Variants in GLI3 observed in about 807,000 individuals in gnomAD.
The protein encoded by GLI3 is transcription activator GLI3.
In GLI3, 20 loss-of-function variants were observed where a neutral mutation model predicts 100.8. The observed-to-expected ratio is 0.20, with a 90% CI of 0.14 to 0.29. GLI3 has a LOEUF of 0.29. GLI3 is among the 10% of genes least tolerant of loss of function. The probability of loss-of-function intolerance (pLI) is 1.00; values close to 1 mark genes in which losing one functional copy is unlikely to be tolerated. For missense variants in GLI3, 2,040 were observed against 2,128.5 expected (o/e 0.96, Z 0.82); for synonymous variants, 938 against 860.5 (o/e 1.09, Z -1.58).
rs531417059 is a variant in GLI3 at position 42,158,672 on chromosome 7, G to A, written c.125-10204C>T. The stretch of plus-strand genomic sequence containing the variant: ...CACCCAGCTAATTTTTGTATTTTTA[G>A]TAGAGACAGGATTTCACAATGTTGG... On this transcript the variant is annotated intron_variant, in intron 2 of 14. Transcript: ENST00000395925. 4.6e-5 allele frequency among the ~76,000 whole-genome samples: 7 copies of A among 152,102 alleles called. No individual in the cohort carries two copies. In the East Asian group the frequency reaches 1.2e-3, roughly 25 times the overall value.
chr7:42,107,564 G>A (rs1785605229), intron 3 of GLI3, among the ~76,000 whole-genome samples: 2 of 152,220 alleles, frequency 1.3e-5, no homozygotes, highest in South Asian at 4.1e-4. Context: ...ACTGAGGGCA[G>A]GCGATGCAGA....
At chr7:42,051,742 T>A (rs181003879) in intron 4 of GLI3, among the ~76,000 whole-genome samples, 1 of 152,294 alleles carries the variant, frequency 6.6e-6, no homozygotes, top group African/African-American at 2.4e-5. Flanking sequence ...AGATTTCCCA[T>A]ATAACCCCCA....
chr7:42,001,983 C>A (rs1218475022), intron 10 of GLI3, among the ~76,000 whole-genome samples: 1 of 151,880 alleles, frequency 6.6e-6, no homozygotes, highest in Admixed American at 6.6e-5. Context: ...AATGTATAAG[C>A]AAAAACACTA....
intron 2 of GLI3, among the ~76,000 whole-genome samples, chr7:42,160,395 G>C (rs1787103963): frequency 6.6e-6 from 1 of 152,084 alleles, no homozygotes; most frequent in Non-Finnish European, 1.5e-5. Context: ...GATATCTTGG[G>C]GATAGGACCC....
chr7:42,228,348 C>T (rs1363809480), intron 1 of GLI3, among the ~76,000 whole-genome samples: 1 of 151,924 alleles, frequency 6.6e-6, no homozygotes, highest in Admixed American at 6.6e-5. Context: ...AATGCATCTC[C>T]GCCAGCCAGG....
chr7:42,041,821 A>T (rs1784145705), intron 6 of GLI3, among the ~76,000 whole-genome samples: 1 of 152,176 alleles, frequency 6.6e-6, no homozygotes, highest in African/African-American at 2.4e-5. Flanking sequence ...ATGAAAAAAA[A>T]TCCACAAACT....
At chr7:42,257,997 T>C (rs1269646204) in intron 1 of GLI3, among the ~76,000 whole-genome samples, 2 of 152,220 alleles carry the variant, frequency 1.3e-5, no homozygotes, top group East Asian at 3.9e-4. Flanking sequence ...AATATTGAAC[T>C]ATATAGTTTT....
intron 3 of GLI3, among the ~76,000 whole-genome samples, chr7:42,114,387 G>A (rs1249825010): frequency 6.6e-6 from 1 of 151,964 alleles, no homozygotes; most frequent in Non-Finnish European, 1.5e-5. Context: ...CCTGAAATAC[G>A]ATGATTGCTT....
At chr7:42,120,655 A>C (rs1785974810) in intron 3 of GLI3, among the ~76,000 whole-genome samples, 1 of 152,198 alleles carries the variant, frequency 6.6e-6, no homozygotes, top group Non-Finnish European at 1.5e-5. Flanking sequence ...TAAGGGGGCA[A>C]AACAGTATTT....
intron 1 of GLI3, among the ~76,000 whole-genome samples, chr7:42,257,354 CTTTTTT>C (rs61449410): frequency 7.7e-6 from 1 of 130,590 alleles, no homozygotes. Context: ...ATCATTCAGT[CTTTTTT>C]TTTTTTTTTT....
intron 1 of GLI3, among the ~76,000 whole-genome samples, chr7:42,257,850 A>G (rs1789100937): frequency 1.3e-5 from 2 of 152,200 alleles, no homozygotes; most frequent in South Asian, 4.1e-4. Flanking sequence ...GGTATATTAT[A>G]TCCATTGCTT....
rs1326739733 is a variant in GLI3 at position 41,965,896 on chromosome 7, G to A, written c.3177C>T (p.Asn1059=). 4 of 1,613,634 alleles carry A rather than the reference G, an allele frequency of 2.5e-6. No homozygotes were observed. The East Asian group carries it at 8.9e-5, about 36-fold the overall frequency. The change falls in exon 15 of 15, where the codon AAC becomes AAT. Residue 1059 remains asparagine (N), a synonymous_variant. Coordinates refer to ENST00000395925, the MANE Select transcript of GLI3 (RefSeq NM_000168.6). ...YTRPEGGQSR[N]FHSSPCPPSI... Reference sequence around the variant, plus strand: ...TGGGAGGACAGGGGGACGAGTGGAAGTTTCGGGACTGGCCGCCCTCGGGCC... The same window carrying A: ...TGGGAGGACAGGGGGACGAGTGGAAATTTCGGGACTGGCCGCCCTCGGGCC...
intron 3 of GLI3, among the ~76,000 whole-genome samples, chr7:42,103,947 G>A (rs537426378): frequency 6.6e-6 from 1 of 152,306 alleles, no homozygotes; most frequent in East Asian, 1.9e-4. Context: ...TAATGATGGT[G>A]CTGATGATGA....
chr7:42,260,162 C>T (rs12333809), intron 1 of GLI3, among the ~76,000 whole-genome samples: 18,134 of 152,070 alleles, frequency 0.12, 2,486 homozygotes, highest in African/African-American at 0.34. Flanking sequence ...TAGAGCATCT[C>T]TAGAGCATAT....
intron 3 of GLI3, among the ~76,000 whole-genome samples, chr7:42,144,645 T>C (rs1477422377): frequency 2.0e-5 from 3 of 151,808 alleles, no homozygotes; most frequent in Admixed American, 6.6e-5. Flanking sequence ...TCTTGTGCAA[T>C]AAAAATTTTA....
At chr7:42,139,679 CA>C (rs1281981906) in intron 3 of GLI3, among the ~76,000 whole-genome samples, 2 of 152,046 alleles carry the variant, frequency 1.3e-5, no homozygotes, top group South Asian at 4.2e-4. Flanking sequence ...AACTCCATCT[CA>C]AAAAAATATA....
At chr7:41,977,268 C>T (rs746667061) in intron 12 of GLI3, among the ~76,000 whole-genome samples, 17 of 152,188 alleles carry the variant, frequency 1.1e-4, no homozygotes, top group Non-Finnish European at 2.2e-4. Flanking sequence ...GATTCCAAGT[C>T]AAATGCTCCC....
At chr7:42,097,877 C>G (rs1346098244) in intron 3 of GLI3, among the ~76,000 whole-genome samples, 1 of 152,026 alleles carries the variant, frequency 6.6e-6, no homozygotes, top group Admixed American at 6.6e-5. Flanking sequence ...ACCAGACATA[C>G]CAGGGAGGGA....
Position 41,965,039 on chromosome 7 carries a change from A to G in GLI3, c.4034T>C (p.Leu1345Pro), listed in dbSNP as rs776365660. The part of the protein sequence containing the change: ...PGAGRPGQQM[L>P]GQISATSHIN... ...GTGTGAGGTAGCACTAATCTGCCCAAGCATCTGCTGACCGGGGCGGCCTGC... is the reference window on the plus strand; with the variant it reads ...GTGTGAGGTAGCACTAATCTGCCCAGGCATCTGCTGACCGGGGCGGCCTGC... The change falls in exon 15 of 15, where the codon CTT becomes CCT. Residue 1345 changes from leucine (L) to proline (P), a missense_variant. Physicochemically the swap from Leu to Pro is moderately conservative, Grantham distance 98. Coordinates refer to ENST00000395925, the MANE Select transcript of GLI3 (RefSeq NM_000168.6). The G allele has an allele frequency of 3.7e-6, 6 of 1,613,898 alleles. 1 individual carries two copies. Among genetic ancestry groups the G allele is most frequent in the Non-Finnish European group, 5.1e-6 (6 of 1,180,012 alleles).
Sources: gnomAD v4.1 joint callset for allele counts (sites outside exome capture counted in the v4.1 genomes callset) on GRCh38, gnomAD v4.1.1 for gene constraint, MANE v1.5 for transcripts, NCBI Gene and HGNC (gene_info 2026-07-23, HGNC 2026-07-21) for gene names.